The following STPG2 variants were observed in gnomAD, a reference collection of about 807,000 sequenced individuals.
STPG2 encodes the protein sperm tail PG-rich repeat containing 2.
A neutral mutation model predicts 54.2 loss-of-function variants in STPG2; 56 were observed. The observed-to-expected ratio is 1.03, with a 90% CI of 0.83 to 1.29. The LOEUF (loss-of-function observed/expected upper bound fraction) is 1.29, where lower values mean the gene tolerates loss of function less well. Ranked by LOEUF, STPG2 falls within the 50% of genes most tolerant of loss-of-function variation. The probability of loss-of-function intolerance (pLI) is 0.00; values close to 1 mark genes in which losing one functional copy is unlikely to be tolerated. For synonymous variants in STPG2, 200 were observed against 181.8 expected, an observed-to-expected ratio of 1.10 and a Z score of -0.81; for missense variants, 596 against 544.9, an observed-to-expected ratio of 1.09 and a Z score of -0.93.
intron 7 of STPG2, among the ~76,000 whole-genome samples, chr4:97,967,862 G>C (rs953470724): frequency 3.3e-5 from 5 of 152,112 alleles, no homozygotes; most frequent in Non-Finnish European, 7.4e-5. Context: ...TTAAAGCAGG[G>C]TGTAGAGGGA....
intron 8 of STPG2, among the ~76,000 whole-genome samples, chr4:97,876,985 G>A (rs1396224850): frequency 2.6e-5 from 4 of 152,000 alleles, no homozygotes; most frequent in Admixed American, 2.6e-4. Flanking sequence ...TAATAATTAT[G>A]TATATTTATG....
chr4:97,680,755 T>C (rs1439121398), intron 10 of STPG2, among the ~76,000 whole-genome samples: 1 of 151,824 alleles, frequency 6.6e-6, no homozygotes, highest in Non-Finnish European at 1.5e-5. Context: ...AATAGCCAGG[T>C]GGACCCCCTT....
chr4:97,486,243 G>C (rs1272032996), intron 4 of STPG2, among the ~76,000 whole-genome samples: 1 of 151,818 alleles, frequency 6.6e-6, no homozygotes, highest in Non-Finnish European at 1.5e-5. Context: ...GCAACCCATA[G>C]AGTGGGAGAA....
chr4:97,971,415 A>G (rs1734320511), intron 7 of STPG2, among the ~76,000 whole-genome samples: 2 of 152,198 alleles, frequency 1.3e-5, no homozygotes, highest in African/African-American at 4.8e-5. Flanking sequence ...ATGTCTATCA[A>G]TGATAGACTA....
At chr4:97,660,203 C>T (rs1345492825) in intron 10 of STPG2, among the ~76,000 whole-genome samples, 2 of 152,114 alleles carry the variant, frequency 1.3e-5, no homozygotes, top group Non-Finnish European at 1.5e-5. Flanking sequence ...AGGGTTTCAC[C>T]GTATTAGCCA....
intron 10 of STPG2, among the ~76,000 whole-genome samples, chr4:97,628,182 A>T (rs1315678564): frequency 2.6e-5 from 4 of 152,166 alleles, no homozygotes; most frequent in Non-Finnish European, 5.9e-5. Flanking sequence ...ATAGTCAGGC[A>T]AACAGTATTC....
At chr4:97,906,216 T>C (rs377148813) in intron 8 of STPG2, among the ~76,000 whole-genome samples, 4 of 152,004 alleles carry the variant, frequency 2.6e-5, no homozygotes, top group Non-Finnish European at 4.4e-5. Context: ...TACAAACTAC[T>C]ATCAGAGAAT....
chr4:97,481,296 C>A (rs1264110981), intron 4 of STPG2, among the ~76,000 whole-genome samples: 1 of 151,438 alleles, frequency 6.6e-6, no homozygotes, highest in Non-Finnish European at 1.5e-5. Context: ...AGAGTATATT[C>A]TTGAAATTAA....
chr4:97,592,560 C>A (rs984358753), intron 10 of STPG2, among the ~76,000 whole-genome samples: 2 of 151,982 alleles, frequency 1.3e-5, no homozygotes, highest in African/African-American at 4.8e-5. Flanking sequence ...CTAGCTGTAG[C>A]CAGGAAGAAC....
intron 10 of STPG2, among the ~76,000 whole-genome samples, chr4:97,625,117 A>G (rs1023349511): frequency 2.0e-5 from 3 of 152,214 alleles, no homozygotes; most frequent in Admixed American, 2.0e-4. Flanking sequence ...ACAAATTTCT[A>G]TTGTTTAAAC....
intron 9 of STPG2, among the ~76,000 whole-genome samples, chr4:97,774,977 T>C (rs1726330907): frequency 6.6e-6 from 1 of 152,170 alleles, no homozygotes; most frequent in South Asian, 2.1e-4. Context: ...ACACAGGCAA[T>C]GGTTACACCT....
Position 97,517,371 on chromosome 4 carries a change from T to A in STPG2, c.462+195328A>T, listed in dbSNP as rs529583709. The stretch of plus-strand genomic sequence containing the variant: ...AAAAATTACTGGGCTTCTAATTTGT[T>A]CTGGACATTGACATTAATTCAGGAA... On this transcript the variant is annotated intron_variant, in intron 4 of 4. Coordinates refer to the STPG2 transcript ENST00000522676. Among the ~76,000 whole-genome samples the A allele has an allele frequency of 3.3e-5, 5 of 152,236 alleles. No individual in the cohort carries two copies. The South Asian group carries it at 8.3e-4, about 25-fold the overall frequency.
intron 3 of STPG2, among the ~76,000 whole-genome samples, chr4:98,123,260 A>G (rs939797809): frequency 5.3e-5 from 8 of 152,078 alleles, no homozygotes; most frequent in Admixed American, 1.3e-4. Context: ...TCGATTCTCT[A>G]GTTCTTTTAG....
intron 7 of STPG2, among the ~76,000 whole-genome samples, chr4:97,965,199 G>T (rs561747469): frequency 6.6e-6 from 1 of 152,362 alleles, no homozygotes; most frequent in Non-Finnish European, 1.5e-5. Context: ...TCCTGTGCCT[G>T]GCTCGATGGG....
chr4:97,948,846 T>C (rs1733352094), intron 7 of STPG2, among the ~76,000 whole-genome samples: 2 of 152,148 alleles, frequency 1.3e-5, no homozygotes, highest in Admixed American at 6.6e-5. Flanking sequence ...AGGTCTATCA[T>C]GGAAAATGTT....
chr4:97,918,760 A>G (rs190161646), intron 8 of STPG2, among the ~76,000 whole-genome samples: 58 of 152,254 alleles, frequency 3.8e-4, no homozygotes, highest in African/African-American at 1.4e-3. Context: ...GTAGGAGTTA[A>G]GCTATGAGAA....
rs570871886 is a variant in STPG2 at position 97,684,237 on chromosome 4, T to A, written c.1320+28462A>T. On this transcript the variant is annotated intron_variant, in intron 10 of 10. Transcript: ENST00000295268. ...CAGAAAGTTACCTGGTGGATATCAA[T>A]AAACATTCTAAAGTTTGTATAGAAA... 2.5e-4 allele frequency among the ~76,000 whole-genome samples: 38 copies of A among 152,042 alleles called. No homozygotes were observed. In the South Asian group the frequency reaches 7.7e-3, roughly 31 times the overall value.
At chr4:97,636,227 G>T (rs1406244202) in intron 10 of STPG2, among the ~76,000 whole-genome samples, 1 of 145,054 alleles carries the variant, frequency 6.9e-6, no homozygotes, top group East Asian at 2.0e-4. Context: ...TGAACAACCT[G>T]CTCCTGAATG....
At chr4:97,941,932 A>G (rs1252143119) in intron 8 of STPG2, among the ~76,000 whole-genome samples, 1 of 151,946 alleles carries the variant, frequency 6.6e-6, no homozygotes, top group Non-Finnish European at 1.5e-5. Flanking sequence ...AATAATTTTA[A>G]TTGCAAATGT....
Sources: allele counts gnomAD v4.1 joint callset (sites outside exome capture counted in the v4.1 genomes callset), GRCh38; gene constraint gnomAD v4.1.1; transcripts MANE v1.5; gene names NCBI Gene and HGNC (gene_info 2026-07-23, HGNC 2026-07-21).